The following C14orf39 variants were observed in gnomAD, a reference collection of about 807,000 sequenced individuals.
C14orf39 encodes the protein chromosome 14 open reading frame 39.
Under a neutral mutation model 85.6 loss-of-function variants are expected in C14orf39, and 66 were observed. The ratio of observed to expected loss-of-function variants is 0.77; its 90% CI spans 0.63 to 0.95. The LOEUF (loss-of-function observed/expected upper bound fraction) is 0.95. Ranked by LOEUF, C14orf39 falls within the 40% of genes least tolerant of loss-of-function variation. The pLI is 0.00. For synonymous variants in C14orf39, 242 were observed against 214.0 expected (o/e 1.13, Z -1.14); for missense variants, 735 against 663.9 (o/e 1.11, Z -1.18).
chr14:60,507,007 G>A (rs552506764), intron 1 of C14orf39, among the ~76,000 whole-genome samples: 1 of 152,140 alleles, frequency 6.6e-6, no homozygotes, highest in Non-Finnish European at 1.5e-5. Context: ...AGAGGGAGAC[G>A]TGTGGTCTCC....
chr14:60,449,524 A>G (rs1170356213), intron 16 of C14orf39, among the ~76,000 whole-genome samples: 2 of 152,122 alleles, frequency 1.3e-5, no homozygotes, highest in Non-Finnish European at 1.5e-5. Context: ...CTCTAACCTT[A>G]TAGGATGTTT....
chr14:60,456,461 G>A (rs1891283582), intron 15 of C14orf39, among the ~76,000 whole-genome samples: 1 of 144,848 alleles, frequency 6.9e-6, no homozygotes, highest in South Asian at 2.2e-4. Context: ...TCACTATGTT[G>A]CTCAGGCTGG....
intron 5 of C14orf39, among the ~76,000 whole-genome samples, chr14:60,475,504 T>C (rs1892328049): frequency 6.6e-6 from 1 of 152,160 alleles, no homozygotes; most frequent in Non-Finnish European, 1.5e-5. Context: ...GTTTAAATTA[T>C]TGAAAAAATC....
At position 60,445,998 on chromosome 14, in the gene C14orf39, C is replaced by A. The variant is rs534317209; in HGVS notation, c.1504-3867G>T. On this transcript the variant is annotated intron_variant, in intron 16 of 17. Coordinates refer to ENST00000321731, the MANE Select transcript of C14orf39 (RefSeq NM_174978.3). The stretch of plus-strand genomic sequence containing the variant: ...AACAAAATGAAGGGAGAAATAAAGA[C>A]GTTCTTTGAAACCAATGAGAACAAA... Among the ~76,000 whole-genome samples the A allele has an allele frequency of 2.0e-5, 3 of 152,126 alleles. No homozygotes were observed. The East Asian group carries it at 5.8e-4, about 29-fold the overall frequency.
In C14orf39 at chr14:60,485,024, A is replaced by G; in HGVS notation, c.49+6T>C. 6.2e-7 allele frequency: 1 copy of G among 1,609,504 alleles called. No homozygotes were observed. ...AAAGCTACCTATTTTTTCACTTTAT[A>G]CCTACCAAATTCTAGCAAAAGTCTG... On this transcript the variant is annotated splice_donor_region_variant and intron_variant, in intron 2 of 17. Coordinates refer to ENST00000321731, the MANE Select transcript of C14orf39 (RefSeq NM_174978.3).
In C14orf39 at chr14:60,461,518, T is replaced by C. The variant is rs199734256; in HGVS notation, c.1048A>G (p.Met350Val). 2.5e-6 allele frequency: 4 copies of C among 1,591,944 alleles called. No individual in the cohort carries two copies. In the South Asian group the frequency reaches 3.5e-5, roughly 14 times the overall value. ...ITTITSSQKFMQVRLLTPQKQ... is the reference protein window; with the variant it reads ...ITTITSSQKFVQVRLLTPQKQ... Reference sequence around the variant, plus strand: ...ATTTTAAAAAGTTACCTGACTTGCATAAACTTTTGTGAACTTGTGATAGTC... The same window carrying C: ...ATTTTAAAAAGTTACCTGACTTGCACAAACTTTTGTGAACTTGTGATAGTC... Residue 350 changes from methionine (M) to valine (V), a missense_variant, in exon 12 of 18, where the codon ATG becomes GTG. Physicochemically the swap from Met to Val is conservative, Grantham distance 21. Coordinates refer to ENST00000321731, the MANE Select transcript of C14orf39 (RefSeq NM_174978.3).
chr14:60,506,745 G>T (rs530157107), intron 1 of C14orf39, among the ~76,000 whole-genome samples: 2 of 152,156 alleles, frequency 1.3e-5, no homozygotes, highest in East Asian at 3.9e-4. Flanking sequence ...CACGCAGCCC[G>T]CACCCTTCTG....
At chr14:60,498,432 T>C (rs547787328) in intron 2 of C14orf39, among the ~76,000 whole-genome samples, 1 of 152,354 alleles carries the variant, frequency 6.6e-6, no homozygotes, top group East Asian at 1.9e-4. Flanking sequence ...ATTAGGGAGA[T>C]ATAGGAAAGG....
chr14:60,446,316 C>T (rs908641365), intron 16 of C14orf39, among the ~76,000 whole-genome samples: 1 of 151,778 alleles, frequency 6.6e-6, no homozygotes, highest in Admixed American at 6.6e-5. Context: ...GACTAGTAAA[C>T]AAGAAAAGAG....
chr14:60,469,734 ATG>A (rs1250805721), intron 7 of C14orf39, 81 bp from the exon 8 acceptor site: 1 of 639,164 alleles, frequency 1.6e-6, no homozygotes, highest in Non-Finnish European at 2.3e-6. Context: ...GATTAATATT[ATG>A]TGACATCATT....
chr14:60,514,174 A>G (rs1893330510), intron 1 of C14orf39, among the ~76,000 whole-genome samples: 1 of 152,172 alleles, frequency 6.6e-6, no homozygotes, highest in African/African-American at 2.4e-5. Context: ...AAGGACATTT[A>G]AAGGGTTTCT....
Position 60,491,438 on chromosome 14 carries a change from G to A in C14orf39, c.-8-6352C>T, listed in dbSNP as rs1892986941. Among the ~76,000 whole-genome samples, 1 of 152,160 alleles carries A rather than the reference G, an allele frequency of 6.6e-6. No homozygotes were observed. The highest frequency in any genetic ancestry group is 1.5e-5 in the Non-Finnish European group (1 of 68,034). ...ATTAAGTTTCAACATGAATTGTGGA[G>A]GGACACAAACATTCAAACCACAGCA... On this transcript the variant is annotated intron_variant, in intron 2 of 5. Transcript: ENST00000556799. This position sits in a 1 kb window ranked among gnomAD's most constrained non-coding sequence, Gnocchi z 4.5.
intron 4 of C14orf39, among the ~76,000 whole-genome samples, chr14:60,479,417 G>A (rs1166415756): frequency 1.6e-4 from 24 of 152,122 alleles, no homozygotes; most frequent in Admixed American, 1.6e-3. Flanking sequence ...AGGGGGAAGA[G>A]GTGAAAAACT....
intron 11 of C14orf39, among the ~76,000 whole-genome samples, chr14:60,465,012 C>A (rs1265351796): frequency 6.6e-6 from 1 of 151,872 alleles, no homozygotes; most frequent in Non-Finnish European, 1.5e-5. Flanking sequence ...TGGTGGTTAC[C>A]CTTAAATGTT....
chr14:60,458,763 A>G (rs1412914740), intron 13 of C14orf39, 24 bp from the exon 14 acceptor site: 2 of 1,545,916 alleles, frequency 1.3e-6, no homozygotes, highest in Non-Finnish European at 1.8e-6. Flanking sequence ...AGAACAAACT[A>G]TTTTTCTTTT....
intron 1 of C14orf39, among the ~76,000 whole-genome samples, chr14:60,508,128 T>C (rs2140186562): frequency 6.6e-6 from 1 of 152,286 alleles, no homozygotes; most frequent in East Asian, 1.9e-4. Context: ...GTGGATGCCC[T>C]TCTGTATTGT....
intron 17 of C14orf39, among the ~76,000 whole-genome samples, chr14:60,438,362 T>C (rs1299567561): frequency 6.6e-6 from 1 of 152,112 alleles, no homozygotes; most frequent in Non-Finnish European, 1.5e-5. Context: ...TACACAGCCA[T>C]ATGACTTAAA....
intron 16 of C14orf39, among the ~76,000 whole-genome samples, chr14:60,449,437 A>C (rs186251858): frequency 1.4e-4 from 21 of 152,302 alleles, no homozygotes; most frequent in African/African-American, 5.1e-4. Context: ...TCACATTATA[A>C]AATCTTTGGT....
intron 1 of C14orf39, among the ~76,000 whole-genome samples, chr14:60,513,736 G>C (rs544894653): frequency 6.6e-6 from 1 of 152,090 alleles, no homozygotes; most frequent in Non-Finnish European, 1.5e-5. Flanking sequence ...AAAAGCAGAA[G>C]AAAATGTCCA....
Sources: gnomAD v4.1 joint callset for allele counts (sites outside exome capture counted in the v4.1 genomes callset) on GRCh38, gnomAD v4.1.1 for gene constraint, Gnocchi (gnomAD v3.1) non-coding constraint, MANE v1.5 for transcripts, NCBI Gene and HGNC (gene_info 2026-07-23, HGNC 2026-07-21) for gene names.